The following SPG7 variants were observed in gnomAD, a reference collection of about 807,000 sequenced individuals.
The protein encoded by SPG7 is mitochondrial inner membrane m-AAA protease component paraplegin.
A neutral mutation model predicts 81.9 loss-of-function variants in SPG7; 103 were observed. That is an observed-to-expected ratio of 1.26 (90% CI 1.07 to 1.48). SPG7 has a LOEUF of 1.48. Ranked by LOEUF, SPG7 falls within the 40% of genes most tolerant of loss-of-function variation. The pLI, the probability that SPG7 is intolerant of heterozygous loss-of-function variation, is 0.00. For missense variants in SPG7, 1,241 were observed against 1,087.3 expected, an observed-to-expected ratio of 1.14 and a Z score of -1.99; for synonymous variants, 534 against 444.2, an observed-to-expected ratio of 1.20 and a Z score of -2.54.
chr16:89,538,747 C>T lies in SPG7; in HGVS notation c.1325-5901C>T, dbSNP rs114436089. The T allele has an allele frequency of 5.5e-3, 840 of 152,556 alleles. 7 individuals are homozygous for T. Among genetic ancestry groups the T allele is most frequent in the African/African-American group, 0.018 (742 of 41,556 alleles). The allele number at this position is 152,556 out of a possible 1,614,324, so 9.5% of individuals were successfully genotyped here. A position where few individuals can be genotyped will look rare whatever the true frequency, so the allele number is the denominator to read the frequency against. On this transcript the variant is annotated intron_variant, in intron 9 of 16. Coordinates refer to ENST00000645818, the MANE Select transcript of SPG7 (RefSeq NM_003119.4). ...TGCCTGCCCTGCCGTCTTCCACATG[C>T]GTCTCCAACAGGGAATGGAAGGAGC...
At chr16:89,539,074 T>C (rs2152406943) in intron 9 of SPG7, 1 of 152,266 alleles carries the variant, frequency 6.6e-6, no homozygotes, top group Admixed American at 6.5e-5. Context: ...TTGACTGAGT[T>C]CTGAGTGTTT....
chr16:89,528,784 T>C (rs964273895), intron 5 of SPG7: 2 of 153,554 alleles, frequency 1.3e-5, no homozygotes, highest in African/African-American at 4.8e-5. Context: ...TTTTTTTGTA[T>C]TTTTAGTAGA....
At position 89,556,729 on chromosome 16, in the gene SPG7, T is replaced by C. The variant is rs145140764; in HGVS notation, c.2182-158T>C. 6.3e-3 allele frequency: 4,409 copies of C among 699,032 alleles called. 171 individuals are homozygous for C. The Admixed American group carries it at 0.073, about 12-fold the overall frequency. The allele number at this position is 699,032 out of a possible 1,614,324, so 43.3% of individuals were successfully genotyped here. A position where few individuals can be genotyped will look rare whatever the true frequency, so the allele number is the denominator to read the frequency against. On this transcript the variant is annotated intron_variant, in intron 16 of 16. Coordinates refer to ENST00000645818, the MANE Select transcript of SPG7 (RefSeq NM_003119.4). ...AGGTTGAGATGGGGGTGATTCTTCTTTCGGAGCTGCCTCCGTGCCTCCGCT... is the reference window on the plus strand; with the variant it reads ...AGGTTGAGATGGGGGTGATTCTTCTCTCGGAGCTGCCTCCGTGCCTCCGCT...
At chr16:89,515,500 C>G (rs2058083561) in intron 3 of SPG7, among the ~76,000 whole-genome samples, 1 of 150,456 alleles carries the variant, frequency 6.6e-6, no homozygotes, top group South Asian at 2.1e-4. Context: ...AACTCCTGAC[C>G]TCGTGATCTC....
chr16:89,553,171 A>T, intron 14 of SPG7, 36 bp downstream of exon 14: 1 of 1,565,104 alleles, frequency 6.4e-7, no homozygotes, highest in Non-Finnish European at 8.7e-7. Context: ...GAGGTTTCAG[A>T]GCGCTTTTCC....
intron 12 of SPG7, 59 bp from the exon 13 acceptor site, chr16:89,550,435 A>G: frequency 8.2e-7 from 1 of 1,216,524 alleles, no homozygotes. Flanking sequence ...GGCCTCCCAC[A>G]GCGCTGGGAT....
Position 89,508,440 on chromosome 16 carries a change from T to C in SPG7, c.23T>C (p.Leu8Pro). 1.3e-6 allele frequency: 2 copies of C among 1,501,622 alleles called. No homozygotes were observed. Among genetic ancestry groups the C allele is most frequent in the Non-Finnish European group, 1.8e-6 (2 of 1,132,448 alleles). 93.0% of individuals were successfully genotyped at this position (1,501,622 alleles called of 1,614,324 possible). A position where few individuals can be genotyped will look rare whatever the true frequency, so the allele number is the denominator to read the frequency against. ...AACATGGCCGTGCTGCTGCTGCTGCTCCGTGCCCTCCGCCGGGGTCCAGGC... is the reference window on the plus strand; with the variant it reads ...AACATGGCCGTGCTGCTGCTGCTGCCCCGTGCCCTCCGCCGGGGTCCAGGC... The part of the protein sequence containing the change: MAVLLLL[L>P]RALRRGPGPG... The change falls in exon 1 of 17, where the codon CTC becomes CCC. Residue 8 changes from leucine (L) to proline (P), a missense_variant. Coordinates refer to ENST00000645818, the MANE Select transcript of SPG7 (RefSeq NM_003119.4).
intron 10 of SPG7, 184 bp downstream of exon 10, chr16:89,544,956 C>T (rs534182109): frequency 2.9e-6 from 2 of 698,806 alleles, no homozygotes; most frequent in Admixed American, 2.1e-5. Flanking sequence ...CCACCGGCTG[C>T]ACTCACTGCT....
intron 16 of SPG7, chr16:89,554,909 G>T: frequency 7.8e-6 from 2 of 257,274 alleles, no homozygotes; most frequent in Non-Finnish European, 1.5e-5. Context: ...TTTTAGAGTA[G>T]GAATTTTTTT....
intron 2 of SPG7, among the ~76,000 whole-genome samples, chr16:89,512,544 C>G (rs1021843258): frequency 2.6e-5 from 4 of 152,158 alleles, no homozygotes; most frequent in African/African-American, 9.7e-5. Flanking sequence ...AACTCCTGAC[C>G]TCGTGAACCA....
intron 16 of SPG7, chr16:89,556,332 A>AAC: frequency 2.8e-6 from 1 of 362,484 alleles, no homozygotes; most frequent in South Asian, 1.4e-4. Context: ...AAAAATCTGG[A>AAC]AGAGTTCTGC....
rs777052133 is a variant in SPG7, at chr16:89,529,473, G to A, written c.759-4G>A. On this transcript the variant is annotated splice_polypyrimidine_tract_variant and splice_region_variant and intron_variant, in intron 5 of 16. Coordinates refer to ENST00000645818, the MANE Select transcript of SPG7 (RefSeq NM_003119.4). ...CCTGTGCCTGCCTCTCTTTCTTCCGGCAGTGCCCTGTACTCTGTGGGGATG... is the reference window on the plus strand; with the variant it reads ...CCTGTGCCTGCCTCTCTTTCTTCCGACAGTGCCCTGTACTCTGTGGGGATG... 5.6e-6 allele frequency: 9 copies of A among 1,607,740 alleles called. No individual in the cohort carries two copies. In the Admixed American group the frequency reaches 1.3e-4, roughly 24 times the overall value.
chr16:89,546,823 C>T (rs2058570456), intron 11 of SPG7, 63 bp downstream of exon 11: 1 of 1,104,976 alleles, frequency 9.0e-7, no homozygotes, highest in African/African-American at 1.5e-5. Context: ...GTCACCTGCG[C>T]AAACAGCATC....
chr16:89,554,667 C>T (rs1019599105), intron 16 of SPG7, 104 bp downstream of exon 16: 4 of 766,920 alleles, frequency 5.2e-6, no homozygotes, highest in Admixed American at 4.0e-5. Context: ...ACACAGAGTA[C>T]AGAGAACACT....
intron 7 of SPG7, chr16:89,531,192 C>T (rs1256974712): frequency 8.3e-6 from 3 of 359,916 alleles, no homozygotes; most frequent in South Asian, 4.4e-5. Context: ...TACGGTGGGT[C>T]GCACCTGTAG....
chr16:89,543,245 C>CCACCAGTGGATTCTTTTTTTTTTT (rs2058520948), intron 9 of SPG7: 1 of 149,326 alleles, frequency 6.7e-6, no homozygotes, highest in Admixed American at 6.7e-5. Flanking sequence ...CCGCGCCTGG[C>CCACCAGTGGATTCTTTTTTTTTTT]TATATCCTGT....
intron 6 of SPG7, 95 bp from the exon 7 acceptor site, chr16:89,530,588 G>A (rs2058327854): frequency 2.1e-6 from 3 of 1,453,034 alleles, no homozygotes; most frequent in African/African-American, 2.8e-5. Context: ...GAGACGTGGG[G>A]TTGGGGCGGC....
Position 89,509,400 on chromosome 16 carries a change from G to C in SPG7, c.183+800G>C, listed in dbSNP as rs530802549. On this transcript the variant is annotated intron_variant, in intron 1 of 16. Transcript: ENST00000645818. ...TGAGTAGCTGGGATTACGGGTGCGC[G>C]CCACCACACCCAGCTAATTTTTGTA... Among the ~76,000 whole-genome samples, 56 of 151,982 alleles carry C rather than the reference G, an allele frequency of 3.7e-4. 1 individual carries two copies. The highest frequency in any genetic ancestry group is 1.3e-3 in the African/African-American group (55 of 41,412).
intron 12 of SPG7, chr16:89,549,368 A>G: frequency 2.6e-6 from 1 of 382,856 alleles, no homozygotes; most frequent in Non-Finnish European, 5.2e-6. Context: ...TAATGCAAAC[A>G]TTTGTCCCTG....
Sources: gnomAD v4.1 joint callset for allele counts (sites outside exome capture counted in the v4.1 genomes callset) on GRCh38, gnomAD v4.1.1 for gene constraint, MANE v1.5 for transcripts, NCBI Gene and HGNC (gene_info 2026-07-23, HGNC 2026-07-21) for gene names.